The following SZT2 variants were observed in gnomAD, a reference collection of about 807,000 sequenced individuals.
The protein encoded by SZT2 is SZT2 subunit of KICSTOR complex, also known as KICSTOR complex protein SZT2.
Under a neutral mutation model 404.2 loss-of-function variants are expected in SZT2, and 216 were observed. The ratio of observed to expected loss-of-function variants is 0.53; its 90% CI spans 0.48 to 0.60. The LOEUF is 0.60. Ranked by LOEUF, SZT2 falls within the 20% of genes least tolerant of loss-of-function variation. The probability of loss-of-function intolerance (pLI) is 0.00; values close to 1 mark genes in which losing one functional copy is unlikely to be tolerated. For missense variants in SZT2, 3,857 were observed against 4,459.2 expected (o/e 0.86, Z 3.85); for synonymous variants, 1,693 against 1,749.9 (o/e 0.97, Z 0.81).
At chr1:43,414,112 T>C (rs1651412857) in intron 4 of SZT2, among the ~76,000 whole-genome samples, 1 of 151,952 alleles carries the variant, frequency 6.6e-6, no homozygotes, top group African/African-American at 2.4e-5. Context: ...TGAAACCCCG[T>C]CTCTACTAAA....
Position 43,451,029 on chromosome 1 carries a change from G to A in SZT2, c.*549G>A, listed in dbSNP as rs771574218. ...TGGGTTTCTCATCCTTTAATGAGGT[G>A]GGTTCAGAAGCTCTCCCATCTTCAC... On this transcript the variant is annotated 3_prime_UTR_variant, in exon 72 of 72. Coordinates refer to ENST00000634258, the MANE Select transcript of SZT2 (RefSeq NM_001365999.1). 2.6e-6 allele frequency: 2 copies of A among 772,124 alleles called. No individual in the cohort carries two copies. Among genetic ancestry groups the A allele is most frequent in the Non-Finnish European group, 4.7e-6 (2 of 425,074 alleles). 47.8% of individuals were successfully genotyped at this position (772,124 alleles called of 1,614,324 possible).
chr1:43,439,613 T>C lies in SZT2; in HGVS notation c.6886T>C (p.Cys2296Arg), dbSNP rs1654845085. 3 of 1,613,956 alleles carry C rather than the reference T, an allele frequency of 1.9e-6. No homozygotes were observed. The highest frequency in any genetic ancestry group is 1.7e-6 in the Non-Finnish European group (2 of 1,179,912). Residue 2296 changes from cysteine (C) to arginine (R), a missense_variant, in exon 50 of 72, where the codon TGC becomes CGC. Physicochemically the swap from Cys to Arg is radical, Grantham distance 180. Around this residue, in one of 7 missense-constraint regions of SZT2, gnomAD observed 261 missense variants for 372.9 expected, o/e 0.70. Transcript: ENST00000634258. This position sits in a 1 kb window ranked among gnomAD's most constrained non-coding sequence, Gnocchi z 4.2. Reference sequence around the variant, plus strand: ...TATGGATTTCTACCCAGGGGTTGCCTGCATCACTCTAGCCTTTGTGGATGA... The same window carrying C: ...TATGGATTTCTACCCAGGGGTTGCCCGCATCACTCTAGCCTTTGTGGATGA... The part of the protein sequence containing the change: ...GQGTGGKGVA[C>R]ITLAFVDEGG...
intron 7 of SZT2, among the ~76,000 whole-genome samples, chr1:43,417,632 A>G (rs145420655): frequency 6.6e-6 from 1 of 152,338 alleles, no homozygotes; most frequent in Non-Finnish European, 1.5e-5. Context: ...TGGAGATTGT[A>G]AAAGTACTTA....
At chr1:43,415,563 G>A (rs1482986639) in intron 5 of SZT2, among the ~76,000 whole-genome samples, 1 of 152,204 alleles carries the variant, frequency 6.6e-6, no homozygotes, top group Non-Finnish European at 1.5e-5. Flanking sequence ...AGACTTCCCT[G>A]TCTCATCACT....
In SZT2 at chr1:43,453,116, A is replaced by G. The variant is rs769493422; in HGVS notation, c.*2636A>G. 3.6e-4 allele frequency: 263 copies of G among 727,468 alleles called. 2 individuals carry two copies. In the Middle Eastern group the frequency reaches 0.017, roughly 48 times the overall value. 45.1% of individuals were successfully genotyped at this position (727,468 alleles called of 1,614,324 possible). ...CTGGAATAGGCCTGTCCTCAAATGC[A>G]TCACTGTATATATTTACTCTCCTAT... On this transcript the variant is annotated 3_prime_UTR_variant, in exon 72 of 72. Transcript: ENST00000634258.
In SZT2 at chr1:43,437,552, G is replaced by A. The variant is rs1310230081; in HGVS notation, c.6291-43G>A. The A allele has an allele frequency of 2.5e-6, 4 of 1,613,988 alleles. No individual in the cohort carries two copies. Among genetic ancestry groups the A allele is most frequent in the Non-Finnish European group, 3.4e-6 (4 of 1,179,932 alleles). ...GTGGGTAGGGCATGAATTAAGGATG[G>A]CCTGGGAGGAGGCATGTCCAAAGAC... On this transcript the variant is annotated intron_variant, in intron 44 of 71. Coordinates refer to ENST00000634258, the MANE Select transcript of SZT2 (RefSeq NM_001365999.1). The surrounding 1 kb of genome is among the most constrained non-coding windows in gnomAD (Gnocchi z 5.3).
chr1:43,434,377 C>G lies in SZT2; in HGVS notation c.5805-9C>G. On this transcript the variant is annotated splice_polypyrimidine_tract_variant and intron_variant, in intron 40 of 71. Transcript: ENST00000634258. Reference sequence around the variant, plus strand: ...CTGCAGTTCTGGTCAGATTATCCTTCCTTCCCAGGAGCCTGATTCGGGAGG... The same window carrying G: ...CTGCAGTTCTGGTCAGATTATCCTTGCTTCCCAGGAGCCTGATTCGGGAGG... The G allele has an allele frequency of 6.3e-7, 1 of 1,585,278 alleles. No individual in the cohort carries two copies. The highest frequency in any genetic ancestry group is 8.6e-7 in the Non-Finnish European group (1 of 1,166,880).
chr1:43,421,452 C>T (rs1326926136), intron 11 of SZT2, 149 bp downstream of exon 11: 6 of 1,151,552 alleles, frequency 5.2e-6, no homozygotes, highest in Non-Finnish European at 7.3e-6. Context: ...GAGAGCTTCT[C>T]TTCTCCCTAA....
intron 1 of SZT2, among the ~76,000 whole-genome samples, chr1:43,398,453 A>G (rs527564568): frequency 6.6e-6 from 1 of 152,254 alleles, no homozygotes; most frequent in South Asian, 2.1e-4. Context: ...ATCCCTTAAC[A>G]AAAAAATTCT....
Position 43,423,109 on chromosome 1 carries a change from G to C in SZT2, c.2048G>C (p.Gly683Ala). 6.3e-7 allele frequency: 1 copy of C among 1,591,876 alleles called. No homozygotes were observed. The highest frequency in any genetic ancestry group is 8.5e-7 in the Non-Finnish European group (1 of 1,176,906). ...PAPARHKIVS[G>A]LREEILRLRF... ...ACATTTTCCCCTCAGATTGTGTCAGGCTTGAGGGAAGAGATCCTGCGGCTG... is the reference window on the plus strand; with the variant it reads ...ACATTTTCCCCTCAGATTGTGTCAGCCTTGAGGGAAGAGATCCTGCGGCTG... The change falls in exon 15 of 72, where the codon GGC becomes GCC. Residue 683 changes from glycine (G) to alanine (A), a missense_variant. Physicochemically the swap from Gly to Ala is moderately conservative, Grantham distance 60. Around this residue, in one of 7 missense-constraint regions of SZT2, gnomAD observed 1,725 missense variants for 1,881.0 expected, o/e 0.92. Coordinates refer to ENST00000634258, the MANE Select transcript of SZT2 (RefSeq NM_001365999.1).
rs1655836003 is a variant in SZT2 at position 43,447,624 on chromosome 1, C to T, written c.9366C>T (p.His3122=). 6.2e-7 allele frequency: 1 copy of T among 1,614,224 alleles called. No individual in the cohort carries two copies. The highest frequency in any genetic ancestry group is 8.5e-7 in the Non-Finnish European group (1 of 1,180,048). The change falls in exon 67 of 72, where the codon CAC becomes CAT. Residue 3122 remains histidine, a synonymous_variant. Coordinates refer to ENST00000634258, the MANE Select transcript of SZT2 (RefSeq NM_001365999.1). ...TGGCTGATCACGCCAGCTCTTACCA[C>T]ATGAAGCCATTGCGAATGGCCCGGC... ...NYVADHASSY[H]MKPLRMARPG...
At chr1:43,429,463 C>T (rs1167108738) in intron 28 of SZT2, 1 of 470,566 alleles carries the variant, frequency 2.1e-6, no homozygotes, top group Admixed American at 3.4e-5. Context: ...GCACTCCTAC[C>T]TCAGCAACAG....
Position 43,420,536 on chromosome 1 carries a change from A to G in SZT2, c.1261+213A>G, listed in dbSNP as rs568952728. Reference sequence around the variant, plus strand: ...CCAAGGTGAACCAGCTGAGGGTGGTATAGGGTCCTGAACTTGGCTTAGTTT... The same window carrying G: ...CCAAGGTGAACCAGCTGAGGGTGGTGTAGGGTCCTGAACTTGGCTTAGTTT... On this transcript the variant is annotated intron_variant, in intron 9 of 71. Coordinates refer to ENST00000634258, the MANE Select transcript of SZT2 (RefSeq NM_001365999.1). This position sits in a 1 kb window ranked among gnomAD's most constrained non-coding sequence, Gnocchi z 5.1. Among the ~76,000 whole-genome samples, 7 of 152,308 alleles carry G rather than the reference A, an allele frequency of 4.6e-5. No individual in the cohort carries two copies. Among genetic ancestry groups the G allele is most frequent in the Non-Finnish European group, 4.4e-5 (3 of 68,032 alleles).
intron 42 of SZT2, chr1:43,436,540 C>T (rs1654475054): frequency 6.6e-6 from 1 of 152,316 alleles, no homozygotes; most frequent in Admixed American, 6.5e-5. Flanking sequence ...TACACAGAAA[C>T]TTCAGCCTCC....
chr1:43,418,871 A>G (rs1652003405), intron 7 of SZT2, among the ~76,000 whole-genome samples: 2 of 152,302 alleles, frequency 1.3e-5, no homozygotes, highest in South Asian at 4.1e-4. Context: ...GAGGAAGCTA[A>G]GGGAATAGTG....
At position 43,425,093 on chromosome 1, in the gene SZT2, A is replaced by G. The variant is rs748501190; in HGVS notation, c.2551-20A>G. The G allele has an allele frequency of 6.2e-7, 1 of 1,614,054 alleles. No homozygotes were observed. The highest frequency in any genetic ancestry group is 1.1e-5 in the South Asian group (1 of 91,080). The stretch of plus-strand genomic sequence containing the variant: ...CTGCCTTGGCTGGGATTTGCCCAAG[A>G]TCTCCCATTTTGCCCACAGAATGAA... On this transcript the variant is annotated intron_variant, in intron 17 of 71. Transcript: ENST00000634258. This position sits in a 1 kb window ranked among gnomAD's most constrained non-coding sequence, Gnocchi z 4.3.
At chr1:43,443,162 C>G (rs1163842907) in intron 59 of SZT2, 26 bp from the exon 60 acceptor site, 1 of 1,614,012 alleles carries the variant, frequency 6.2e-7, no homozygotes, top group Admixed American at 1.7e-5. Flanking sequence ...ATGCCTGGGG[C>G]TACTACTAAT....
chr1:43,454,053 G>A lies in SZT2; in HGVS notation c.*3573G>A, dbSNP rs908618085. 21 of 1,140,000 alleles carry A rather than the reference G, an allele frequency of 1.8e-5. No homozygotes were observed. Among genetic ancestry groups the A allele is most frequent in the Non-Finnish European group, 2.0e-5 (19 of 930,150 alleles). The allele number at this position is 1,140,000 out of a possible 1,614,324, so 70.6% of individuals were successfully genotyped here. The stretch of plus-strand genomic sequence containing the variant: ...AGGAGCAGGACCCGCGCCTGGAGAA[G>A]GTAGGGAGGCCGAGCTCCAGGGCCT... On this transcript the variant is annotated 3_prime_UTR_variant, in exon 72 of 72. Transcript: ENST00000634258.
At chr1:43,449,825 C>A in intron 70 of SZT2, 1 of 549,276 alleles carries the variant, frequency 1.8e-6, no homozygotes, top group Non-Finnish European at 3.3e-6. Context: ...AGGGGTACAG[C>A]ACTCTCTGTT....
Sources: gnomAD v4.1 joint callset for allele counts (sites outside exome capture counted in the v4.1 genomes callset) on GRCh38, gnomAD v4.1.1 for gene constraint, gnomAD v4.1.1 regional missense constraint, Gnocchi (gnomAD v3.1) non-coding constraint, MANE v1.5 for transcripts, NCBI Gene and HGNC (gene_info 2026-07-23, HGNC 2026-07-21) for gene names.